The following ROBO1 variants were observed in gnomAD, a reference collection of about 807,000 sequenced individuals.
ROBO1 encodes the protein roundabout guidance receptor 1.
Under a neutral mutation model 195.9 loss-of-function variants are expected in ROBO1, and 149 were observed. That is an observed-to-expected ratio of 0.76 (90% confidence interval 0.67 to 0.87). The LOEUF (loss-of-function observed/expected upper bound fraction) is 0.87, where lower values mean the gene tolerates loss of function less well. ROBO1 is among the 40% of genes least tolerant of loss of function. The pLI, the probability that ROBO1 is intolerant of heterozygous loss-of-function variation, is 0.00. For synonymous variants in ROBO1, 816 were observed against 733.2 expected (o/e 1.11, Z -1.82); for missense variants, 1,933 against 2,068.3 (o/e 0.93, Z 1.27).
At chr3:79,450,510 T>A (rs1671659685) in intron 2 of ROBO1, among the ~76,000 whole-genome samples, 1 of 152,170 alleles carries the variant, frequency 6.6e-6, no homozygotes, top group South Asian at 2.1e-4. Flanking sequence ...ATTAGTTTTA[T>A]GAAAAATGAG....
intron 4 of ROBO1, among the ~76,000 whole-genome samples, chr3:78,909,059 G>A (rs1282005104): frequency 4.6e-5 from 7 of 151,770 alleles, no homozygotes; most frequent in Non-Finnish European, 8.8e-5. Context: ...TACAGATGGT[G>A]AGGCAGAATG....
rs556608765 is a variant in ROBO1 at position 79,476,975 on chromosome 3, A to G, written c.88+112849T>C. ...AAGAAAAAAATTTGGTAATGAAAAT[A>G]TCTTGTCTATGTTATGTAAATATGT... is the stretch of plus-strand genomic sequence containing the variant. On this transcript the variant is annotated intron_variant, in intron 2 of 30. Transcript: ENST00000464233. 1.6e-4 allele frequency among the ~76,000 whole-genome samples: 24 copies of G among 152,218 alleles called. No homozygotes were observed. In the East Asian group the frequency reaches 2.1e-3, roughly 13 times the overall value.
chr3:79,581,877 T>C (rs1298024157), intron 2 of ROBO1, among the ~76,000 whole-genome samples: 4 of 152,080 alleles, frequency 2.6e-5, no homozygotes, highest in Non-Finnish European at 5.9e-5. Context: ...AAATCATATA[T>C]ATACAACAAA....
chr3:79,499,772 T>C (rs532377790), intron 2 of ROBO1, among the ~76,000 whole-genome samples: 2 of 152,220 alleles, frequency 1.3e-5, no homozygotes, highest in South Asian at 2.1e-4. Flanking sequence ...GATTGGGAGA[T>C]CTTTATTAAG....
intron 2 of ROBO1, among the ~76,000 whole-genome samples, chr3:79,242,393 T>C (rs1460224689): frequency 6.6e-6 from 1 of 152,164 alleles, no homozygotes. Context: ...CTATATATAA[T>C]ATTTGCATCC....
At chr3:79,029,530 G>T (rs948567300) in intron 3 of ROBO1, among the ~76,000 whole-genome samples, 4 of 152,076 alleles carry the variant, frequency 2.6e-5, no homozygotes, top group African/African-American at 9.7e-5. Context: ...CTCTGATCTT[G>T]CTCCCCTTAA....
At position 79,677,333 on chromosome 3, in the gene ROBO1, G is replaced by A. The variant is rs967757199; in HGVS notation, c.-50-87372C>T. ...TGCTGATAAAGAGATAGCTGAGACTGGGCAATTTACAAAAGAAAGAGGTTT... is the reference window on the plus strand; with the variant it reads ...TGCTGATAAAGAGATAGCTGAGACTAGGCAATTTACAAAAGAAAGAGGTTT... On this transcript the variant is annotated intron_variant, in intron 1 of 30. Transcript: ENST00000464233. 2.6e-4 allele frequency among the ~76,000 whole-genome samples: 39 copies of A among 151,932 alleles called. 1 individual carries two copies. The highest frequency in any genetic ancestry group is 9.4e-4 in the African/African-American group (39 of 41,378).
chr3:78,638,360 C>T (rs968174330), intron 22 of ROBO1, among the ~76,000 whole-genome samples: 10 of 149,138 alleles, frequency 6.7e-5, no homozygotes, highest in Non-Finnish European at 1.2e-4. Context: ...ATATATATAT[C>T]GTGTCCTCAG....
chr3:79,283,415 T>C (rs1411489004), intron 2 of ROBO1, among the ~76,000 whole-genome samples: 2 of 152,158 alleles, frequency 1.3e-5, no homozygotes, highest in Non-Finnish European at 1.5e-5. Flanking sequence ...CTTCAATGGG[T>C]CTCAAGAATT....
At chr3:79,018,246 T>C (rs564409960) in intron 3 of ROBO1, among the ~76,000 whole-genome samples, 94 of 152,216 alleles carry the variant, frequency 6.2e-4, no homozygotes, top group African/African-American at 2.1e-3. Flanking sequence ...CAACCCCAAA[T>C]GCGAACTAGG....
Position 78,617,701 on chromosome 3 carries a change from C to T in ROBO1, c.4216G>A (p.Ala1406Thr), listed in dbSNP as rs1388663249. 9.9e-6 allele frequency: 16 copies of T among 1,613,860 alleles called. No individual in the cohort carries two copies. Among genetic ancestry groups the T allele is most frequent in the Non-Finnish European group, 1.3e-5 (15 of 1,179,882 alleles). ...GCATACTCTGCCGCTGCTGCGACTGCCTGGGCAAAGTCAGCATCAGTGAAA... is the reference window on the plus strand; with the variant it reads ...GCATACTCTGCCGCTGCTGCGACTGTCTGGGCAAAGTCAGCATCAGTGAAA... ...SFFTDADFAQ[A>T]VAAAAEYAGL... The change falls in exon 27 of 31, where the codon GCA becomes ACA. Residue 1406 changes from alanine (A) to threonine (T), a missense_variant. Coordinates refer to ENST00000464233, the MANE Select transcript of ROBO1 (RefSeq NM_002941.4).
intron 1 of ROBO1, among the ~76,000 whole-genome samples, chr3:79,658,563 G>T (rs1255982814): frequency 2.0e-5 from 3 of 151,816 alleles, no homozygotes; most frequent in African/African-American, 4.8e-5. Context: ...AGCTAAAGTG[G>T]TATTTATGTA....
intron 3 of ROBO1, among the ~76,000 whole-genome samples, chr3:79,020,269 TTTCTC>T (rs2078071553): frequency 1.3e-5 from 2 of 152,190 alleles, no homozygotes; most frequent in African/African-American, 4.8e-5. Flanking sequence ...CCAGGTCTGT[TTTCTC>T]TTCTCTGTTT....
rs899671891 is a variant in ROBO1, at chr3:78,824,637, T to G, written c.500-77737A>C. The stretch of plus-strand genomic sequence containing the variant: ...ATGAAATAAACTTAGAATCAAGTCC[T>G]GATTTAACTGTGTAAAAAATAACTT... On this transcript the variant is annotated intron_variant, in intron 4 of 30. Transcript: ENST00000464233. Among the ~76,000 whole-genome samples the G allele has an allele frequency of 2.0e-5, 3 of 152,310 alleles. No homozygotes were observed. In the East Asian group the frequency reaches 5.8e-4, roughly 29 times the overall value.
intron 2 of ROBO1, chr3:79,512,723 A>T (rs1202039073): frequency 6.6e-6 from 1 of 152,208 alleles, no homozygotes; most frequent in Non-Finnish European, 1.5e-5. Context: ...GAAACAAAAG[A>T]TTGAGAACTT....
intron 8 of ROBO1, among the ~76,000 whole-genome samples, chr3:78,689,122 G>A (rs116596173): frequency 0.011 from 1,715 of 152,250 alleles, 14 homozygotes; most frequent in Non-Finnish European, 0.017. Context: ...AAAGGTGAAT[G>A]AGCTTTAATC....
intron 2 of ROBO1, among the ~76,000 whole-genome samples, chr3:79,269,779 T>A (rs977022279): frequency 2.6e-5 from 4 of 151,770 alleles, no homozygotes; most frequent in Admixed American, 6.6e-5. Flanking sequence ...GTGTTTACTC[T>A]GGCAAAAGAT....
intron 1 of ROBO1, among the ~76,000 whole-genome samples, chr3:79,752,327 T>C (rs1471349219): frequency 1.3e-5 from 2 of 152,262 alleles, no homozygotes; most frequent in East Asian, 3.9e-4. Context: ...CAACACATAA[T>C]TTTTTAATAA....
At chr3:79,700,371 T>A (rs1560112118) in intron 1 of ROBO1, among the ~76,000 whole-genome samples, 1 of 150,492 alleles carries the variant, frequency 6.6e-6, no homozygotes, top group African/African-American at 2.4e-5. Flanking sequence ...ACAATTTATT[T>A]TCTTTTGGAT....
Sources: allele counts gnomAD v4.1 joint callset (sites outside exome capture counted in the v4.1 genomes callset), GRCh38; gene constraint gnomAD v4.1.1; transcripts MANE v1.5; gene names NCBI Gene and HGNC (gene_info 2026-07-23, HGNC 2026-07-21).